SIL1: variants seen among roughly 807,000 people sequenced by gnomAD.
SIL1 encodes SIL1 nucleotide exchange factor, also known as nucleotide exchange factor SIL1.
SIL1 carries 40 observed loss-of-function variants against 49.1 expected under a neutral mutation model. The ratio of observed to expected loss-of-function variants is 0.81; its 90% confidence interval spans 0.63 to 1.06. SIL1 has a LOEUF of 1.06. SIL1 is among the 50% of genes least tolerant of loss of function. The pLI is 0.00. For synonymous variants in SIL1, 253 were observed against 250.8 expected (o/e 1.01, Z -0.08); for missense variants, 500 against 572.6 (o/e 0.87, Z 1.29).
intron 7 of SIL1, among the ~76,000 whole-genome samples, chr5:138,966,556 G>A (rs547001289): frequency 1.4e-4 from 21 of 152,208 alleles, no homozygotes; most frequent in Admixed American, 1.2e-3. Flanking sequence ...CCTGATGGCC[G>A]GGTAATGCTG....
chr5:139,064,667 C>T (rs1279896156), intron 3 of SIL1, among the ~76,000 whole-genome samples: 2 of 152,178 alleles, frequency 1.3e-5, no homozygotes, highest in African/African-American at 4.8e-5. Context: ...GCTTTCTTCA[C>T]TTGTATTGCT....
At chr5:139,080,668 A>C (rs937148053) in intron 3 of SIL1, among the ~76,000 whole-genome samples, 1 of 152,206 alleles carries the variant, frequency 6.6e-6, no homozygotes, top group African/African-American at 2.4e-5. Context: ...TGTCCAGTAC[A>C]TGGTTAATCT....
chr5:139,163,928 G>A (rs1475410022), intron 1 of SIL1, among the ~76,000 whole-genome samples: 14 of 151,998 alleles, frequency 9.2e-5, no homozygotes, highest in Non-Finnish European at 2.9e-5. Flanking sequence ...AGACTAGCCT[G>A]GCCAACAGGG....
At chr5:138,999,257 T>C (rs559952438) in intron 7 of SIL1, among the ~76,000 whole-genome samples, 51 of 152,366 alleles carry the variant, frequency 3.3e-4, no homozygotes, top group African/African-American at 9.4e-4. Flanking sequence ...TTTCCTTTTA[T>C]AGATCTTTCA....
intron 7 of SIL1, among the ~76,000 whole-genome samples, chr5:138,963,675 G>A (rs576450519): frequency 2.3e-4 from 35 of 152,220 alleles, no homozygotes; most frequent in African/African-American, 7.5e-4. Context: ...TAAATATGGT[G>A]AACAATATGG....
chr5:139,168,746 G>C (rs1278519358), intron 1 of SIL1, among the ~76,000 whole-genome samples: 2 of 152,072 alleles, frequency 1.3e-5, no homozygotes, highest in Non-Finnish European at 2.9e-5. Flanking sequence ...AAAACAGGCA[G>C]ATCGCTTGAA....
At chr5:139,165,426 G>A (rs1581144482) in intron 1 of SIL1, among the ~76,000 whole-genome samples, 2 of 151,794 alleles carry the variant, frequency 1.3e-5, no homozygotes, top group Middle Eastern at 3.2e-3. Context: ...TCGGCTCACT[G>A]CAACCTCCAC....
At chr5:139,110,704 T>C (rs1358635956) in intron 3 of SIL1, among the ~76,000 whole-genome samples, 1 of 152,218 alleles carries the variant, frequency 6.6e-6, no homozygotes, top group Non-Finnish European at 1.5e-5. Context: ...TGCCAAAAGA[T>C]CAGTGGCTAG....
chr5:139,030,037 C>T (rs138448079), intron 5 of SIL1, among the ~76,000 whole-genome samples: 1,924 of 151,650 alleles, frequency 0.013, 37 homozygotes, highest in African/African-American at 0.043. Flanking sequence ...TTCTTTCTAA[C>T]GAGATTAGGT....
chr5:139,095,755 G>A (rs1346045393), intron 3 of SIL1, among the ~76,000 whole-genome samples: 1 of 152,152 alleles, frequency 6.6e-6, no homozygotes, highest in Non-Finnish European at 1.5e-5. Flanking sequence ...TGGAGCCAGG[G>A]AGGTCAAGGC....
intron 3 of SIL1, among the ~76,000 whole-genome samples, chr5:139,070,520 C>G (rs1769808810): frequency 6.6e-6 from 1 of 152,130 alleles, no homozygotes; most frequent in South Asian, 2.1e-4. Flanking sequence ...CTTAGAGAAA[C>G]AGCTAATTCC....
intron 1 of SIL1, among the ~76,000 whole-genome samples, chr5:139,176,027 A>T (rs1285485430): frequency 6.6e-6 from 1 of 151,794 alleles, no homozygotes; most frequent in Non-Finnish European, 1.5e-5. Flanking sequence ...ACAGTGTCTC[A>T]CTCTGTGGCC....
chr5:139,115,252 ATATGTGTAGTCTT>A (rs1212330832), intron 3 of SIL1, among the ~76,000 whole-genome samples: 1 of 152,182 alleles, frequency 6.6e-6, no homozygotes, highest in Non-Finnish European at 1.5e-5. Flanking sequence ...ATAATAAAAA[ATATGTGTAGTCTT>A]TGACCCTGGT....
At chr5:139,143,771 CA>C (rs1751140909) in intron 1 of SIL1, among the ~76,000 whole-genome samples, 1 of 152,122 alleles carries the variant, frequency 6.6e-6, no homozygotes, top group African/African-American at 2.4e-5. Flanking sequence ...ACACAAAAAT[CA>C]GTTGTATTTC....
intron 7 of SIL1, among the ~76,000 whole-genome samples, chr5:138,979,682 T>G (rs1767474272): frequency 6.6e-6 from 1 of 152,172 alleles, no homozygotes; most frequent in African/African-American, 2.4e-5. Flanking sequence ...TCATATTTTT[T>G]AATGAATGTA....
chr5:138,999,526 G>T (rs1284146079), intron 7 of SIL1, among the ~76,000 whole-genome samples: 1 of 152,146 alleles, frequency 6.6e-6, no homozygotes, highest in Non-Finnish European at 1.5e-5. Context: ...GCCAGGCATG[G>T]TAGAGTACAC....
intron 7 of SIL1, among the ~76,000 whole-genome samples, chr5:138,991,743 C>T (rs922144117): frequency 6.6e-6 from 1 of 152,172 alleles, no homozygotes; most frequent in African/African-American, 2.4e-5. Context: ...TCTAACTGAT[C>T]AGAATTTAAC....
intron 7 of SIL1, among the ~76,000 whole-genome samples, chr5:138,999,710 A>G (rs1319495038): frequency 6.6e-6 from 1 of 152,160 alleles, no homozygotes; most frequent in Non-Finnish European, 1.5e-5. Flanking sequence ...ATATACTGCC[A>G]TTTTACTGAA....
intron 1 of SIL1, among the ~76,000 whole-genome samples, chr5:139,134,548 G>A (rs988001281): frequency 6.6e-6 from 1 of 152,200 alleles, no homozygotes; most frequent in Admixed American, 6.5e-5. Flanking sequence ...TCCACACACT[G>A]TCCAGCTGAC....
Sources: allele counts gnomAD v4.1 joint callset (sites outside exome capture counted in the v4.1 genomes callset), GRCh38; gene constraint gnomAD v4.1.1; transcripts MANE v1.5; gene names NCBI Gene and HGNC (gene_info 2026-07-23, HGNC 2026-07-21).